Variants in ENOX1 observed in about 807,000 individuals in gnomAD.
ENOX1 encodes ecto-NOX disulfide-thiol exchanger 1.
Under a neutral mutation model 82.5 loss-of-function variants are expected in ENOX1, and 42 were observed. The observed-to-expected ratio is 0.51, with a 90% CI of 0.40 to 0.66. ENOX1 has a LOEUF of 0.66. ENOX1 is among the 30% of genes least tolerant of loss of function. ENOX1 has a pLI of 0.00. For synonymous variants in ENOX1, 271 were observed against 282.2 expected (o/e 0.96, Z 0.40); for missense variants, 608 against 811.6 (o/e 0.75, Z 3.05).
chr13:43,552,056 A>G (rs1385753482), intron 2 of ENOX1, among the ~76,000 whole-genome samples: 1 of 152,162 alleles, frequency 6.6e-6, no homozygotes, highest in Non-Finnish European at 1.5e-5. Context: ...TCCAGGAAGA[A>G]GCAGGGACCT....
chr13:43,562,179 T>G lies in ENOX1; in HGVS notation c.-218-78027A>C, dbSNP rs375714528. 3.2e-4 allele frequency among the ~76,000 whole-genome samples: 48 copies of G among 152,214 alleles called. 3 individuals are homozygous for G. The East Asian group carries it at 8.9e-3, about 28-fold the overall frequency. On this transcript the variant is annotated intron_variant, in intron 2 of 16. Coordinates refer to ENST00000690772, the MANE Select transcript of ENOX1 (RefSeq NM_001347969.2). ...TAATAGTTATAACAACTTTTCAAGATATAGACAGTACAATAACATATAAAT... is the reference window on the plus strand; with the variant it reads ...TAATAGTTATAACAACTTTTCAAGAGATAGACAGTACAATAACATATAAAT...
At chr13:43,646,834 G>A (rs1034297131) in intron 2 of ENOX1, among the ~76,000 whole-genome samples, 2 of 152,126 alleles carry the variant, frequency 1.3e-5, no homozygotes, top group East Asian at 3.8e-4. Context: ...ATAGTAACGG[G>A]CAACGTTTAC....
chr13:43,693,593 A>C (rs2086480898), intron 1 of ENOX1, among the ~76,000 whole-genome samples: 1 of 152,200 alleles, frequency 6.6e-6, no homozygotes, highest in Non-Finnish European at 1.5e-5. Flanking sequence ...AACTCTGATC[A>C]TTCTTATAAT....
chr13:43,638,008 C>T (rs1400600411), intron 2 of ENOX1, among the ~76,000 whole-genome samples: 1 of 152,136 alleles, frequency 6.6e-6, no homozygotes, highest in African/African-American at 2.4e-5. Context: ...CTCTAACTTA[C>T]AAAAGTACAA....
At chr13:43,468,737 A>G (rs1384290779) in intron 3 of ENOX1, among the ~76,000 whole-genome samples, 1 of 151,914 alleles carries the variant, frequency 6.6e-6, no homozygotes, top group Non-Finnish European at 1.5e-5. Context: ...TAAGCTTTCT[A>G]TGATTATGGT....
chr13:43,682,984 A>T (rs7995938), intron 1 of ENOX1, among the ~76,000 whole-genome samples: 13,387 of 152,244 alleles, frequency 0.088, 930 homozygotes, highest in African/African-American at 0.19. Flanking sequence ...TTTTTAATAT[A>T]ACAGAACAAA....
chr13:43,482,633 G>C (rs1186694443), intron 3 of ENOX1, among the ~76,000 whole-genome samples: 1 of 140,592 alleles, frequency 7.1e-6, no homozygotes, highest in East Asian at 2.1e-4. Flanking sequence ...TTGTGTGTGT[G>C]TGTTTTAACC....
intron 3 of ENOX1, among the ~76,000 whole-genome samples, chr13:43,479,872 G>A (rs772422398): frequency 6.6e-6 from 1 of 152,066 alleles, no homozygotes; most frequent in Non-Finnish European, 1.5e-5. Context: ...TGGGGTTGGG[G>A]GAGATGTTGG....
At chr13:43,506,639 T>C (rs2077176678) in intron 2 of ENOX1, among the ~76,000 whole-genome samples, 1 of 134,696 alleles carries the variant, frequency 7.4e-6, no homozygotes, top group African/African-American at 2.7e-5. Context: ...ATATACACCA[T>C]GGAATACTAT....
chr13:43,615,401 C>A (rs949521140), intron 2 of ENOX1, among the ~76,000 whole-genome samples: 1 of 152,082 alleles, frequency 6.6e-6, no homozygotes, highest in Non-Finnish European at 1.5e-5. Context: ...ACAGGTGAAT[C>A]CAGCATGGCA....
chr13:43,781,983 G>T (rs1248960127), intron 1 of ENOX1, among the ~76,000 whole-genome samples: 1 of 152,032 alleles, frequency 6.6e-6, no homozygotes, highest in Non-Finnish European at 1.5e-5. Flanking sequence ...ATCCCATTTG[G>T]GTGGGTAAGA....
rs1048949880 is a variant in ENOX1 at position 43,723,564 on chromosome 13, A to G, written c.-284-56020T>C. ...TCTTAATCTTCTTATATTCATTTCA[A>G]GTAGGTAACAAAGCACTCCATGAGT... On this transcript the variant is annotated intron_variant, in intron 1 of 16. Transcript: ENST00000690772. 7.9e-5 allele frequency among the ~76,000 whole-genome samples: 12 copies of G among 152,234 alleles called. 1 individual carries two copies. The highest frequency in any genetic ancestry group is 2.9e-4 in the African/African-American group (12 of 41,468).
At chr13:43,247,856 TA>T (rs57785494) in intron 14 of ENOX1, among the ~76,000 whole-genome samples, 100 of 4,316 alleles carry the variant, frequency 0.023, 11 homozygotes, top group African/African-American at 0.045. Context: ...TATATATATA[TA>T]TATATATATA....
intron 9 of ENOX1, among the ~76,000 whole-genome samples, chr13:43,329,982 G>T (rs917685608): frequency 1.6e-4 from 24 of 152,148 alleles, no homozygotes; most frequent in African/African-American, 5.8e-4. Context: ...ATGCCCTAAT[G>T]AATGTCATTC....
At chr13:43,682,285 C>T (rs1002478112) in intron 1 of ENOX1, among the ~76,000 whole-genome samples, 1 of 152,018 alleles carries the variant, frequency 6.6e-6, no homozygotes, top group African/African-American at 2.4e-5. Flanking sequence ...CTCACTGTGA[C>T]TAAAGGAAAG....
intron 1 of ENOX1, among the ~76,000 whole-genome samples, chr13:43,708,276 G>A (rs117622747): frequency 1.1e-3 from 160 of 152,250 alleles, no homozygotes; most frequent in East Asian, 3.9e-3. Flanking sequence ...TCCCAAGTGC[G>A]GACAGGCCAT....
At chr13:43,347,451 C>G (rs1377315355) in intron 8 of ENOX1, among the ~76,000 whole-genome samples, 1 of 152,080 alleles carries the variant, frequency 6.6e-6, no homozygotes, top group Non-Finnish European at 1.5e-5. Context: ...TACTGACATT[C>G]AAATTAAATT....
At chr13:43,309,937 C>A (rs1349560661) in intron 11 of ENOX1, among the ~76,000 whole-genome samples, 1 of 152,154 alleles carries the variant, frequency 6.6e-6, no homozygotes, top group Non-Finnish European at 1.5e-5. Context: ...GGCGTGGTGG[C>A]TCACGCCTGT....
intron 3 of ENOX1, among the ~76,000 whole-genome samples, chr13:43,469,118 G>A (rs1294764944): frequency 6.6e-6 from 1 of 152,064 alleles, no homozygotes; most frequent in Non-Finnish European, 1.5e-5. Context: ...TTCCATAGAT[G>A]TTCTTTAGCT....
Sources: allele counts gnomAD v4.1 joint callset (sites outside exome capture counted in the v4.1 genomes callset), GRCh38; gene constraint gnomAD v4.1.1; transcripts MANE v1.5; gene names NCBI Gene and HGNC (gene_info 2026-07-23, HGNC 2026-07-21).